Variants in TMEM117 observed in about 807,000 individuals in gnomAD.
TMEM117 encodes the protein transmembrane protein 117.
In TMEM117, 27 loss-of-function variants were observed where a neutral mutation model predicts 52.4. The ratio of observed to expected loss-of-function variants is 0.51; its 90% CI spans 0.38 to 0.71. The LOEUF (loss-of-function observed/expected upper bound fraction) is 0.71, where lower values mean the gene tolerates loss of function less well. Among genes scored for constraint, TMEM117 ranks in the 30% least tolerant of loss-of-function variants. TMEM117 has a pLI of 0.00. For synonymous variants in TMEM117, 215 were observed against 206.3 expected (o/e 1.04, Z -0.36); for missense variants, 556 against 630.5 (o/e 0.88, Z 1.26).
At chr12:43,984,946 G>C (rs1352220918) in intron 3 of TMEM117, among the ~76,000 whole-genome samples, 4 of 152,090 alleles carry the variant, frequency 2.6e-5, no homozygotes, top group Non-Finnish European at 5.9e-5. Flanking sequence ...ATTTCCAATA[G>C]AAATTTGAGC....
rs1716610 is a variant in TMEM117 at position 44,378,546 on chromosome 12, A to C, written c.898+1822A>C. Among the ~76,000 whole-genome samples, 1,232 of 152,322 alleles carry C rather than the reference A, an allele frequency of 8.1e-3. 12 individuals are homozygous for C. The highest frequency in any genetic ancestry group is 0.029 in the African/African-American group (1,195 of 41,568). The stretch of plus-strand genomic sequence containing the variant: ...TGTGCATTTAGATAGAAGCAGATAC[A>C]TGACTTCCATTTGAACTAAAACCCT... On this transcript the variant is annotated intron_variant, in intron 7 of 7. Coordinates refer to ENST00000266534, the MANE Select transcript of TMEM117 (RefSeq NM_032256.3).
intron 4 of TMEM117, among the ~76,000 whole-genome samples, chr12:44,175,167 A>C (rs919772451): frequency 6.6e-6 from 1 of 152,216 alleles, no homozygotes; most frequent in Non-Finnish European, 1.5e-5. Flanking sequence ...AATTTTTTTG[A>C]GGACAAAGAG....
upstream of TMEM117, among the ~76,000 whole-genome samples, chr12:43,835,313 C>T (rs1943009244): frequency 6.6e-6 from 1 of 152,130 alleles, no homozygotes. Context: ...ATGACAGGCT[C>T]CGGAGAGCCT....
chr12:44,116,430 T>G (rs1948144699), intron 3 of TMEM117, among the ~76,000 whole-genome samples: 1 of 152,206 alleles, frequency 6.6e-6, no homozygotes, highest in Admixed American at 6.5e-5. Flanking sequence ...CTGAATATTT[T>G]TGTATCTTTC....
chr12:43,842,670 A>G lies in TMEM117; in HGVS notation c.-28-1954A>G, dbSNP rs138866287. 3.2e-4 allele frequency among the ~76,000 whole-genome samples: 49 copies of G among 152,174 alleles called. 1 individual carries two copies. The highest frequency in any genetic ancestry group is 6.8e-3 in the Middle Eastern group (2 of 294). On this transcript the variant is annotated intron_variant, in intron 1 of 7. Transcript: ENST00000266534. ...CATGTATAAAGTGAGAATATTTATT[A>G]ATGGATACTCCCCCCACCAAGTGTT... is the stretch of plus-strand genomic sequence containing the variant.
chr12:43,805,793 G>A, the TMEM117 span: 14 of 1,358,342 alleles, frequency 1.0e-5, no homozygotes, highest in African/African-American at 1.5e-5. Context: ...TCAAAGTCCT[G>A]TAATATTCTC....
intron 5 of TMEM117, among the ~76,000 whole-genome samples, chr12:44,236,899 A>T (rs891471803): frequency 1.3e-5 from 2 of 152,028 alleles, no homozygotes; most frequent in Non-Finnish European, 2.9e-5. Context: ...TGTCATAAGG[A>T]TGTAGTCTTT....
At chr12:44,232,217 G>T (rs1297314452) in intron 5 of TMEM117, among the ~76,000 whole-genome samples, 1 of 151,482 alleles carries the variant, frequency 6.6e-6, no homozygotes, top group Non-Finnish European at 1.5e-5. Flanking sequence ...AGGTTCTAAA[G>T]TTATTAAGAT....
At chr12:43,886,880 C>T (rs1027524260) in intron 2 of TMEM117, among the ~76,000 whole-genome samples, 1 of 152,238 alleles carries the variant, frequency 6.6e-6, no homozygotes, top group Admixed American at 6.5e-5. Flanking sequence ...CAGAGTCTCT[C>T]TCTCTTGTCT....
Position 44,345,733 on chromosome 12 carries a change from A to G in TMEM117, c.769-30862A>G, listed in dbSNP as rs1726880. ...CATAGTCAACGTATCATTGTTATTT[A>G]TTTACTTATTTCCTGGTTGTTATTG... On this transcript the variant is annotated intron_variant, in intron 6 of 7. Coordinates refer to ENST00000266534, the MANE Select transcript of TMEM117 (RefSeq NM_032256.3). 6.1e-3 allele frequency among the ~76,000 whole-genome samples: 928 copies of G among 152,158 alleles called. 7 individuals are homozygous for G. Among genetic ancestry groups the G allele is most frequent in the African/African-American group, 0.022 (904 of 41,546 alleles).
intron 4 of TMEM117, among the ~76,000 whole-genome samples, chr12:44,155,523 T>C (rs766301075): frequency 1.3e-5 from 2 of 152,104 alleles, no homozygotes; most frequent in Non-Finnish European, 2.9e-5. Flanking sequence ...AGTCATCAGT[T>C]TGTGGTGAGG....
At chr12:44,051,339 A>G (rs1186867996) in intron 3 of TMEM117, among the ~76,000 whole-genome samples, 1 of 152,158 alleles carries the variant, frequency 6.6e-6, no homozygotes, top group Non-Finnish European at 1.5e-5. Context: ...ATAATAGACG[A>G]TATCCACATC....
At chr12:44,196,032 G>C (rs888232562) in intron 4 of TMEM117, among the ~76,000 whole-genome samples, 2 of 152,042 alleles carry the variant, frequency 1.3e-5, no homozygotes, top group African/African-American at 4.8e-5. Flanking sequence ...GCTGCAGTGA[G>C]CTATGATTTG....
chr12:43,980,839 C>T (rs1306254390), intron 3 of TMEM117, among the ~76,000 whole-genome samples: 1 of 152,148 alleles, frequency 6.6e-6, no homozygotes, highest in Admixed American at 6.5e-5. Context: ...CGGCGATGCT[C>T]ACATTTATTT....
At chr12:44,339,922 A>T (rs763636289) in intron 6 of TMEM117, among the ~76,000 whole-genome samples, 53 of 152,042 alleles carry the variant, frequency 3.5e-4, no homozygotes, top group Admixed American at 4.6e-4. Context: ...CTACATTTAA[A>T]GTGAAGAAAT....
At chr12:44,361,904 T>C (rs973051975) in intron 6 of TMEM117, among the ~76,000 whole-genome samples, 3 of 152,180 alleles carry the variant, frequency 2.0e-5, no homozygotes, top group Non-Finnish European at 2.9e-5. Flanking sequence ...TCAACTCCCT[T>C]TCTAGACTGT....
chr12:44,136,158 G>A (rs1157003177), intron 3 of TMEM117, among the ~76,000 whole-genome samples: 1 of 152,078 alleles, frequency 6.6e-6, no homozygotes, highest in Non-Finnish European at 1.5e-5. Flanking sequence ...ATTACTTTCA[G>A]GTAATTTGTG....
At chr12:44,020,249 C>T (rs1592446345) in intron 3 of TMEM117, among the ~76,000 whole-genome samples, 1 of 152,226 alleles carries the variant, frequency 6.6e-6, no homozygotes, top group Middle Eastern at 3.4e-3. Flanking sequence ...GATCATTATT[C>T]CCTCACAGTT....
intron 4 of TMEM117, among the ~76,000 whole-genome samples, chr12:44,146,200 A>T (rs919308255): frequency 6.6e-6 from 1 of 152,174 alleles, no homozygotes; most frequent in African/African-American, 2.4e-5. Context: ...GGGGAGTACA[A>T]ATAATTCCAC....
Sources: gnomAD v4.1 joint callset for allele counts (sites outside exome capture counted in the v4.1 genomes callset) on GRCh38, gnomAD v4.1.1 for gene constraint, MANE v1.5 for transcripts, NCBI Gene and HGNC (gene_info 2026-07-23, HGNC 2026-07-21) for gene names.